The following CNTNAP2 variants were observed in gnomAD, a reference collection of about 807,000 sequenced individuals.
CNTNAP2 encodes contactin-associated protein-like 2.
In CNTNAP2, 98 loss-of-function variants were observed where a neutral mutation model predicts 155.2. The ratio of observed to expected loss-of-function variants is 0.63; its 90% CI spans 0.54 to 0.75. The LOEUF (loss-of-function observed/expected upper bound fraction) is 0.75. CNTNAP2 is among the 30% of genes least tolerant of loss of function. CNTNAP2 has a pLI of 0.00. For synonymous variants in CNTNAP2, 651 were observed against 631.2 expected, an observed-to-expected ratio of 1.03 and a Z score of -0.47; for missense variants, 1,727 against 1,688.1, an observed-to-expected ratio of 1.02 and a Z score of -0.40.
At chr7:147,821,145 A>G (rs1047011516) in intron 13 of CNTNAP2, among the ~76,000 whole-genome samples, 5 of 152,152 alleles carry the variant, frequency 3.3e-5, no homozygotes, top group African/African-American at 1.2e-4. Context: ...TTGTGACAGG[A>G]ATATAAAGAG....
In CNTNAP2 at chr7:146,426,940, T is replaced by C. The variant is rs143223755; in HGVS notation, c.97+309967T>C. ...TTTGAGTTAGCCGTTCCACAATGTA[T>C]ACAAATATCAAAACGTCATGCTGTA... On this transcript the variant is annotated intron_variant, in intron 1 of 23. Transcript: ENST00000361727. Among the ~76,000 whole-genome samples the C allele has an allele frequency of 1.8e-3, 281 of 152,204 alleles. 6 individuals are homozygous for C. The East Asian group carries it at 0.046, about 25-fold the overall frequency.
At chr7:147,094,059 G>C (rs866759845) in intron 4 of CNTNAP2, among the ~76,000 whole-genome samples, 1 of 152,204 alleles carries the variant, frequency 6.6e-6, no homozygotes, top group South Asian at 2.1e-4. Context: ...TCACACACTG[G>C]TGGCTTCTAC....
At chr7:146,720,192 C>T (rs1801261061) in intron 1 of CNTNAP2, among the ~76,000 whole-genome samples, 1 of 152,006 alleles carries the variant, frequency 6.6e-6, no homozygotes, top group South Asian at 2.1e-4. Context: ...AGGACTATGC[C>T]TCTGGTTTGG....
intron 13 of CNTNAP2, among the ~76,000 whole-genome samples, chr7:147,802,607 C>T (rs1798021030): frequency 6.6e-6 from 1 of 152,174 alleles, no homozygotes; most frequent in African/African-American, 2.4e-5. Context: ...AACCCCGTCT[C>T]CACCAAAAAA....
At position 147,484,954 on chromosome 7, in the gene CNTNAP2, G is replaced by C. The variant is rs138668750; in HGVS notation, c.1671-981G>C. On this transcript the variant is annotated intron_variant, in intron 10 of 23. Transcript: ENST00000361727. The stretch of plus-strand genomic sequence containing the variant: ...CACAATGAATACCTTTGTTATCTGT[G>C]AGCATCTTCAGCAGGATTATAACAA... 1.5e-3 allele frequency among the ~76,000 whole-genome samples: 232 copies of C among 152,296 alleles called. 3 individuals are homozygous for C. Among genetic ancestry groups the C allele is most frequent in the African/African-American group, 5.1e-3 (213 of 41,556 alleles).
At chr7:147,346,405 C>T (rs1031061705) in intron 9 of CNTNAP2, among the ~76,000 whole-genome samples, 1 of 151,888 alleles carries the variant, frequency 6.6e-6, no homozygotes, top group Non-Finnish European at 1.5e-5. Flanking sequence ...CCACCCGCCT[C>T]GGCCTCCCAA....
At chr7:148,346,078 A>G (rs963209589) in intron 21 of CNTNAP2, among the ~76,000 whole-genome samples, 1 of 151,864 alleles carries the variant, frequency 6.6e-6, no homozygotes, top group African/African-American at 2.4e-5. Context: ...CGCCAGTGTC[A>G]CCCTCTGCGT....
In CNTNAP2 at chr7:147,599,415, G is replaced by A. The variant is rs138208544; in HGVS notation, c.1897+37158G>A. 3.5e-3 allele frequency among the ~76,000 whole-genome samples: 530 copies of A among 151,256 alleles called. 5 individuals are homozygous for A. Among genetic ancestry groups the A allele is most frequent in the African/African-American group, 0.012 (493 of 41,236 alleles). On this transcript the variant is annotated intron_variant, in intron 12 of 23. Transcript: ENST00000361727. ...GGAGAATCACTTTAACCCAGGAGGT[G>A]GAGGTTGCGGTAAGCCAAGATGGCA...
chr7:147,874,283 C>T (rs930923480), intron 13 of CNTNAP2, among the ~76,000 whole-genome samples: 1 of 152,250 alleles, frequency 6.6e-6, no homozygotes, highest in Non-Finnish European at 1.5e-5. Context: ...GAGAGGTTCT[C>T]CATGAGGGGC....
chr7:148,118,176 T>C lies in CNTNAP2; in HGVS notation c.2442T>C (p.Thr814=). ...CATCCTCCTACCTGCACTTCTCTAC[T>C]TTCCAAGGGGAAACTAGCGCTGACA... is the stretch of plus-strand genomic sequence containing the variant. ...PNPSSYLHFS[T]FQGETSADIS... The change falls in exon 16 of 24, where the codon ACT becomes ACC. Residue 814 remains threonine, a synonymous_variant. Transcript: ENST00000361727. 1 of 1,614,202 alleles carries C rather than the reference T, an allele frequency of 6.2e-7. No individual in the cohort carries two copies. The highest frequency in any genetic ancestry group is 8.5e-7 in the Non-Finnish European group (1 of 1,180,034).
intron 5 of CNTNAP2, among the ~76,000 whole-genome samples, chr7:147,116,154 G>A (rs1292831786): frequency 6.6e-6 from 1 of 152,144 alleles, no homozygotes. Flanking sequence ...TATCAGCAAT[G>A]AAGCCTGCAG....
intron 3 of CNTNAP2, among the ~76,000 whole-genome samples, chr7:146,996,257 T>C (rs981311850): frequency 4.6e-5 from 7 of 152,106 alleles, no homozygotes; most frequent in Non-Finnish European, 7.4e-5. Context: ...CTGTGAAGAA[T>C]GTCATTGGTC....
chr7:147,211,018 T>C (rs945679393), intron 8 of CNTNAP2, among the ~76,000 whole-genome samples: 30 of 107,594 alleles, frequency 2.8e-4, no homozygotes, highest in African/African-American at 1.3e-3. Context: ...TTGGAGTAGG[T>C]TTTTTTTTTT....
intron 13 of CNTNAP2, among the ~76,000 whole-genome samples, chr7:147,735,247 A>G (rs1796820905): frequency 6.6e-6 from 1 of 152,162 alleles, no homozygotes; most frequent in South Asian, 2.1e-4. Context: ...GTTTCAAAGA[A>G]CATCTTTATT....
chr7:146,389,679 TTTTTCTTTTTTC>T (rs961886864), intron 1 of CNTNAP2, among the ~76,000 whole-genome samples: 17 of 150,776 alleles, frequency 1.1e-4, no homozygotes, highest in African/African-American at 3.2e-4. Context: ...CATATTTCTT[TTTTTCTTTTTTC>T]TTTTCTTTTT....
chr7:146,665,219 G>T (rs1045384496), intron 1 of CNTNAP2, among the ~76,000 whole-genome samples: 1 of 152,160 alleles, frequency 6.6e-6, no homozygotes, highest in Non-Finnish European at 1.5e-5. Context: ...AAAATGTTGG[G>T]ATTACAGGCG....
intron 13 of CNTNAP2, among the ~76,000 whole-genome samples, chr7:147,775,599 A>G (rs1797573033): frequency 6.6e-6 from 1 of 151,120 alleles, no homozygotes; most frequent in Non-Finnish European, 1.5e-5. Context: ...AAAGTCAAAA[A>G]GAGTCCCTTG....
chr7:147,319,338 A>G lies in CNTNAP2; in HGVS notation c.1498+19048A>G, dbSNP rs186689710. On this transcript the variant is annotated intron_variant, in intron 9 of 23. Transcript: ENST00000361727. Reference sequence around the variant, plus strand: ...ATATAATGGTAAATATCAACTAAATACATTGTTTCTTTTATTTTTCCTTTG... The same window carrying G: ...ATATAATGGTAAATATCAACTAAATGCATTGTTTCTTTTATTTTTCCTTTG... Among the ~76,000 whole-genome samples the G allele has an allele frequency of 2.6e-4, 40 of 152,260 alleles. 1 individual carries two copies. In the East Asian group the frequency reaches 7.1e-3, roughly 27 times the overall value.
chr7:146,202,118 CTAATGGAGAT>C (rs959675603), intron 1 of CNTNAP2, among the ~76,000 whole-genome samples: 17 of 152,108 alleles, frequency 1.1e-4, no homozygotes, highest in Non-Finnish European at 2.5e-4. Flanking sequence ...GGAGAAGCTG[CTAATGGAGAT>C]TATCAGGGGC....
Sources: gnomAD v4.1 joint callset for allele counts (sites outside exome capture counted in the v4.1 genomes callset) on GRCh38, gnomAD v4.1.1 for gene constraint, MANE v1.5 for transcripts, NCBI Gene and HGNC (gene_info 2026-07-23, HGNC 2026-07-21) for gene names.